Variants in LPAR1 observed in about 807,000 individuals in gnomAD.
LPAR1 encodes lysophosphatidic acid receptor 1, also known as LPA receptor 1.
Under a neutral mutation model 23.8 loss-of-function variants are expected in LPAR1, and 5 were observed. The observed-to-expected ratio is 0.21, with a 90% CI of 0.11 to 0.44. The LOEUF (loss-of-function observed/expected upper bound fraction) is 0.44, where lower values mean the gene tolerates loss of function less well. Among genes scored for constraint, LPAR1 ranks in the 20% least tolerant of loss-of-function variants. The pLI is 0.99. For missense variants in LPAR1, 311 were observed against 482.8 expected, an observed-to-expected ratio of 0.64 and a Z score of 3.33; for synonymous variants, 160 against 164.7, an observed-to-expected ratio of 0.97 and a Z score of 0.22.
intron 2 of LPAR1, among the ~76,000 whole-genome samples, chr9:111,031,408 A>G (rs866533952): frequency 3.4e-4 from 45 of 131,378 alleles, no homozygotes; most frequent in African/African-American, 7.4e-4. Flanking sequence ...AAAAAAAAAG[A>G]AAAAAAAAAA....
intron 2 of LPAR1, among the ~76,000 whole-genome samples, chr9:110,986,800 T>A (rs1030982921): frequency 6.6e-6 from 1 of 152,096 alleles, no homozygotes; most frequent in Non-Finnish European, 1.5e-5. Flanking sequence ...AACAGAGACA[T>A]CTTCCATTAT....
At chr9:110,964,950 C>A (rs2900521) in intron 4 of LPAR1, among the ~76,000 whole-genome samples, 122,927 of 149,572 alleles carry the variant, frequency 0.82, 51,281 homozygotes, top group Middle Eastern at 0.9. Flanking sequence ...TGCAACCTGC[C>A]ACATTTGCCT....
rs191078466 is a variant in LPAR1, at chr9:110,949,756, A to G, written c.46-7588T>C. ...TCTAAATAAAATGCAAGTAAATCAA[A>G]TATGTATCTTCAAGATACACACAAA... On this transcript the variant is annotated intron_variant, in intron 4 of 5. Transcript: ENST00000683809. Among the ~76,000 whole-genome samples the G allele has an allele frequency of 1.5e-3, 232 of 152,368 alleles. No individual in the cohort carries two copies. In the Middle Eastern group the frequency reaches 0.034, roughly 22 times the overall value.
chr9:110,929,655 T>C lies in LPAR1; in HGVS notation c.793+11766A>G, dbSNP rs149957104. On this transcript the variant is annotated intron_variant, in intron 5 of 5. Transcript: ENST00000683809. ...GACAAAGGAGAAAATCCATGTAATA[T>C]AGAATTGATTGCTATCTAAAATGCT... Among the ~76,000 whole-genome samples, 486 of 151,904 alleles carry C rather than the reference T, an allele frequency of 3.2e-3. 5 individuals are homozygous for C. Among genetic ancestry groups the C allele is most frequent in the Non-Finnish European group, 4.7e-3 (322 of 67,988 alleles).
At position 110,900,803 on chromosome 9, in the gene LPAR1, GATTT is replaced by G. The variant is rs565949708; in HGVS notation, c.794-25085_794-25082del. Among the ~76,000 whole-genome samples, 8 of 152,148 alleles carry G rather than the reference GATTT, an allele frequency of 5.3e-5. No homozygotes were observed. In the East Asian group the frequency reaches 1.5e-3, roughly 29 times the overall value. On this transcript the variant is annotated intron_variant, in intron 5 of 5. Coordinates refer to ENST00000683809, the MANE Select transcript of LPAR1 (RefSeq NM_001351411.2). The stretch of plus-strand genomic sequence containing the variant: ...TTACTACCTTAAAAATTTTCTTTTA[GATTT>G]ATCTCAAAAGTGAAGGTAGTATTTG...
intron 5 of LPAR1, among the ~76,000 whole-genome samples, chr9:110,914,468 G>T (rs1477439384): frequency 6.6e-6 from 1 of 152,154 alleles, no homozygotes; most frequent in Non-Finnish European, 1.5e-5. Context: ...GCACGGGAAA[G>T]ACCCACCCCC....
At chr9:110,964,393 T>C (rs1007056598) in intron 4 of LPAR1, among the ~76,000 whole-genome samples, 3 of 152,332 alleles carry the variant, frequency 2.0e-5, no homozygotes, top group East Asian at 1.9e-4. Context: ...TAAGGAGTTA[T>C]TTATACTTTT....
chr9:111,023,972 G>T (rs1588913363), intron 2 of LPAR1, among the ~76,000 whole-genome samples: 7 of 152,244 alleles, frequency 4.6e-5, no homozygotes, highest in Admixed American at 4.6e-4. Context: ...CAGTTAAAAT[G>T]CTCAAGAAGG....
chr9:110,921,082 G>T (rs1281156052), intron 5 of LPAR1, among the ~76,000 whole-genome samples: 1 of 152,064 alleles, frequency 6.6e-6, no homozygotes, highest in East Asian at 1.9e-4. Flanking sequence ...GCTGCAGTAA[G>T]CAAGGATCGC....
intron 2 of LPAR1, among the ~76,000 whole-genome samples, chr9:110,987,495 G>T (rs2096807762): frequency 6.6e-6 from 1 of 151,500 alleles, no homozygotes; most frequent in Non-Finnish European, 1.5e-5. Flanking sequence ...CTCCAAATTT[G>T]GGGGGAGACT....
chr9:110,986,140 A>G (rs1451918930), intron 2 of LPAR1, among the ~76,000 whole-genome samples: 1 of 152,094 alleles, frequency 6.6e-6, no homozygotes, highest in Non-Finnish European at 1.5e-5. Flanking sequence ...TGTGCATGCC[A>G]TGACCCTCAG....
At chr9:111,002,238 T>C (rs1349725222) in intron 2 of LPAR1, among the ~76,000 whole-genome samples, 12 of 152,222 alleles carry the variant, frequency 7.9e-5, no homozygotes, top group Non-Finnish European at 1.2e-4. Context: ...GCAATTTTAA[T>C]GTAGTCATTG....
At chr9:111,020,946 A>T (rs1038431544) in intron 2 of LPAR1, among the ~76,000 whole-genome samples, 5 of 152,248 alleles carry the variant, frequency 3.3e-5, no homozygotes, top group African/African-American at 1.2e-4. Flanking sequence ...AGCAGAGTTC[A>T]GACAAACAGA....
At chr9:110,955,042 C>A (rs1225636106) in intron 4 of LPAR1, among the ~76,000 whole-genome samples, 1 of 152,044 alleles carries the variant, frequency 6.6e-6, no homozygotes, top group Non-Finnish European at 1.5e-5. Flanking sequence ...CATGAAACAA[C>A]CAAAAATCAA....
At chr9:110,991,307 T>C (rs945528243) in intron 2 of LPAR1, among the ~76,000 whole-genome samples, 4 of 152,092 alleles carry the variant, frequency 2.6e-5, no homozygotes, top group South Asian at 4.1e-4. Context: ...GAAACGTGCA[T>C]TGAAGACAAA....
intron 5 of LPAR1, among the ~76,000 whole-genome samples, chr9:110,937,019 T>A (rs190487798): frequency 6.6e-6 from 1 of 152,296 alleles, no homozygotes; most frequent in East Asian, 1.9e-4. Flanking sequence ...AGGGATTACA[T>A]GACTTTATGC....
chr9:110,946,554 A>C (rs2095387978), intron 4 of LPAR1, among the ~76,000 whole-genome samples: 1 of 152,170 alleles, frequency 6.6e-6, no homozygotes, highest in South Asian at 2.1e-4. Flanking sequence ...TTTTCATACG[A>C]GGACAATAAA....
intron 4 of LPAR1, among the ~76,000 whole-genome samples, chr9:110,953,252 T>G (rs1488920429): frequency 6.6e-6 from 1 of 152,134 alleles, no homozygotes; most frequent in Non-Finnish European, 1.5e-5. Context: ...AGAACAGGCA[T>G]GCTCAGCCTG....
rs567334575 is a variant in LPAR1 at position 111,016,610 on chromosome 9, A to G, written c.-182+19512T>C. Among the ~76,000 whole-genome samples, 3 of 152,358 alleles carry G rather than the reference A, an allele frequency of 2.0e-5. No homozygotes were observed. The East Asian group carries it at 5.8e-4, about 29-fold the overall frequency. Reference sequence around the variant, plus strand: ...TCTCAGTCAAGTCAATGCTTAAAGCACAGGAACCCACACTTAACTGACCAC... The same window carrying G: ...TCTCAGTCAAGTCAATGCTTAAAGCGCAGGAACCCACACTTAACTGACCAC... On this transcript the variant is annotated intron_variant, in intron 2 of 5. Coordinates refer to ENST00000683809, the MANE Select transcript of LPAR1 (RefSeq NM_001351411.2).
Sources: gnomAD v4.1 joint callset for allele counts (sites outside exome capture counted in the v4.1 genomes callset) on GRCh38, gnomAD v4.1.1 for gene constraint, MANE v1.5 for transcripts, NCBI Gene and HGNC (gene_info 2026-07-23, HGNC 2026-07-21) for gene names.